Variants in LARP7 observed in about 807,000 individuals in gnomAD.
The protein encoded by LARP7 is la-related protein 7.
In LARP7, 52 loss-of-function variants were observed where a neutral mutation model predicts 69.3. The ratio of observed to expected loss-of-function variants is 0.75; its 90% CI spans 0.60 to 0.95. The LOEUF (loss-of-function observed/expected upper bound fraction) is 0.95, where lower values mean the gene tolerates loss of function less well. LARP7 is among the 40% of genes least tolerant of loss of function. The pLI is 0.00. For synonymous variants in LARP7, 254 were observed against 215.9 expected (o/e 1.18, Z -1.55); for missense variants, 733 against 673.0 (o/e 1.09, Z -0.99).
At position 112,647,539 on chromosome 4, in the gene LARP7, G is replaced by A. The variant is rs773792953; in HGVS notation, c.987G>A (p.Lys329=). 4 of 1,595,606 alleles carry A rather than the reference G, an allele frequency of 2.5e-6. No individual in the cohort carries two copies. Among genetic ancestry groups the A allele is most frequent in the East Asian group, 2.2e-5 (1 of 44,768 alleles). Residue 329 remains lysine (K), a synonymous_variant, in exon 7 of 13, where the codon AAG becomes AAA. Transcript: ENST00000344442. The part of the protein sequence containing the change: ...DIIKEASEAS[K]ENRDIEISTE... Reference sequence around the variant, plus strand: ...TTAAGGAAGCATCAGAAGCTTCCAAGGAAAATAGAGGTAAAACTACAAGGT... The same window carrying A: ...TTAAGGAAGCATCAGAAGCTTCCAAAGAAAATAGAGGTAAAACTACAAGGT...
At position 112,647,257 on chromosome 4, in the gene LARP7, AG is replaced by A; in HGVS notation, c.706del (p.Ala236ProfsTer16). ...GRMKKEDNIQ[A>X]KEENMDTSNT... ...GAATGAAAAAGGAAGACAATATCCA[AG>A]CCAAAGAAGAAAACATGGACACAAG... On this transcript the variant is annotated frameshift_variant, in exon 7 of 13. Coordinates refer to ENST00000344442, the MANE Select transcript of LARP7 (RefSeq NM_016648.4). LOFTEE classifies it high-confidence loss of function. 7 of 1,611,762 alleles carry A rather than the reference AG, an allele frequency of 4.3e-6. No individual in the cohort carries two copies. Among genetic ancestry groups the A allele is most frequent in the Non-Finnish European group, 5.9e-6 (7 of 1,179,478 alleles).
Position 112,649,691 on chromosome 4 carries a change from A to G in LARP7, c.1294+5A>G. Reference sequence around the variant, plus strand: ...CTGGAATGAAAAATGAAAAAAGTAAAGATCACTGATAGTTTTGACAACATT... The same window carrying G: ...CTGGAATGAAAAATGAAAAAAGTAAGGATCACTGATAGTTTTGACAACATT... On this transcript the variant is annotated splice_donor_5th_base_variant and intron_variant, in intron 9 of 12. Coordinates refer to ENST00000344442, the MANE Select transcript of LARP7 (RefSeq NM_016648.4). 2 of 1,580,684 alleles carry G rather than the reference A, an allele frequency of 1.3e-6. No homozygotes were observed. Among genetic ancestry groups the G allele is most frequent in the Non-Finnish European group, 1.7e-6 (2 of 1,162,906 alleles).
chr4:112,650,696 A>G (rs942391541), intron 10 of LARP7, 114 bp downstream of exon 10: 12 of 1,113,628 alleles, frequency 1.1e-5, no homozygotes, highest in African/African-American at 7.9e-5. Context: ...TTGTTTCCCT[A>G]TGGTAAACTA....
At chr4:112,638,113 T>C (rs62317769) in intron 1 of LARP7, 59,782 of 152,010 alleles carry the variant, frequency 0.39, 11,999 homozygotes, top group South Asian at 0.49. Context: ...CTGGCCAATA[T>C]GGCAAAATCT....
chr4:112,647,609 T>G, intron 7 of LARP7, 60 bp downstream of exon 7: 1 of 1,467,136 alleles, frequency 6.8e-7, no homozygotes, highest in Non-Finnish European at 9.1e-7. Flanking sequence ...TAGTTTTTAA[T>G]TAATTAGGTT....
Position 112,657,410 on chromosome 4 carries a change from C to A in LARP7, c.*83C>A. 1 of 540,418 alleles carries A rather than the reference C, an allele frequency of 1.9e-6. No individual in the cohort carries two copies. Among genetic ancestry groups the A allele is most frequent in the Non-Finnish European group, 3.1e-6 (1 of 325,194 alleles). The allele number at this position is 540,418 out of a possible 1,614,324, so 33.5% of individuals were successfully genotyped here. A position where few individuals can be genotyped will look rare whatever the true frequency, so the allele number is the denominator to read the frequency against. On this transcript the variant is annotated 3_prime_UTR_variant, in exon 13 of 13. Transcript: ENST00000344442. ...ATTCACTTTTATTATGGTAGCACTG[C>A]ATAATTAATGTGTTTTTAATTAAAA...
At position 112,647,428 on chromosome 4, in the gene LARP7, A is replaced by G; in HGVS notation, c.876A>G (p.Thr292=). Reference sequence around the variant, plus strand: ...CATCTAGCTTACCTGAAGTCAGAACAGGGAAGAGGAAGAGAAGCAGCTCTG... The same window carrying G: ...CATCTAGCTTACCTGAAGTCAGAACGGGGAAGAGGAAGAGAAGCAGCTCTG... The part of the protein sequence containing the change: ...VEASSLPEVR[T]GKRKRSSSED... Residue 292 remains threonine (T), a synonymous_variant, in exon 7 of 13, where the codon ACA becomes ACG. Coordinates refer to ENST00000344442, the MANE Select transcript of LARP7 (RefSeq NM_016648.4). 4 of 1,614,140 alleles carry G rather than the reference A, an allele frequency of 2.5e-6. No homozygotes were observed. Among genetic ancestry groups the G allele is most frequent in the South Asian group, 1.1e-5 (1 of 91,078 alleles).
chr4:112,656,330 G>C (rs1337104767), intron 12 of LARP7, among the ~76,000 whole-genome samples: 1 of 152,148 alleles, frequency 6.6e-6, no homozygotes, highest in Non-Finnish European at 1.5e-5. Context: ...CCTAGGAAGT[G>C]GAGGTTGCAG....
chr4:112,652,631 A>G (rs1047879871), intron 10 of LARP7, among the ~76,000 whole-genome samples: 5 of 151,864 alleles, frequency 3.3e-5, no homozygotes, highest in African/African-American at 1.2e-4. Context: ...TAAAAGTGGA[A>G]TGATTTGTAC....
chr4:112,651,017 T>C (rs976859526), intron 10 of LARP7, among the ~76,000 whole-genome samples: 1 of 152,228 alleles, frequency 6.6e-6, no homozygotes, highest in African/African-American at 2.4e-5. Context: ...AGGTTTATAA[T>C]TTTTTCGCTT....
rs574144446 is a variant in LARP7, at chr4:112,652,292, T to A, written c.1417-785T>A. On this transcript the variant is annotated intron_variant, in intron 10 of 12. Coordinates refer to ENST00000344442, the MANE Select transcript of LARP7 (RefSeq NM_016648.4). The stretch of plus-strand genomic sequence containing the variant: ...GAAAGGGAGGCAAGATAAATAAGAT[T>A]TCCCCCCCCCCCCCATTTAGCAATC... Among the ~76,000 whole-genome samples the A allele has an allele frequency of 6.0e-3, 738 of 122,784 alleles. 4 individuals are homozygous for A. The highest frequency in any genetic ancestry group is 9.4e-3 in the Non-Finnish European group (579 of 61,848). 80.6% of individuals were successfully genotyped at this position (122,784 alleles called of 152,430 possible).
intron 2 of LARP7, 29 bp downstream of exon 2, chr4:112,644,900 T>A: frequency 2.5e-6 from 3 of 1,202,142 alleles, no homozygotes; most frequent in African/African-American, 1.6e-5. Context: ...AGGAACCAAT[T>A]TTTAGATATG....
intron 1 of LARP7, among the ~76,000 whole-genome samples, chr4:112,641,692 T>C (rs1478996363): frequency 1.3e-5 from 2 of 152,366 alleles, no homozygotes; most frequent in African/African-American, 4.8e-5. Context: ...AGAATGATTT[T>C]AAGGCTTTTG....
At chr4:112,644,983 G>A (rs977422260) in intron 2 of LARP7, 112 bp downstream of exon 2, 1 of 261,640 alleles carries the variant, frequency 3.8e-6, no homozygotes, top group Non-Finnish European at 5.7e-6. Context: ...GTCTTGCTCT[G>A]TTGCCCAGGC....
chr4:112,645,752 G>A (rs1011834228), intron 2 of LARP7: 1 of 369,700 alleles, frequency 2.7e-6, no homozygotes, highest in Non-Finnish European at 5.3e-6. Flanking sequence ...GAGCTCCTGA[G>A]CTCAAGAGAT....
chr4:112,640,837 T>A (rs969535318), intron 1 of LARP7, among the ~76,000 whole-genome samples: 3 of 152,060 alleles, frequency 2.0e-5, no homozygotes, highest in Non-Finnish European at 1.5e-5. Context: ...AAGAGGTAAG[T>A]CTCTCTAAGA....
chr4:112,638,715 C>G (rs2047822314), intron 1 of LARP7, among the ~76,000 whole-genome samples: 1 of 152,192 alleles, frequency 6.6e-6, no homozygotes, highest in African/African-American at 2.4e-5. Context: ...GTGAATACAT[C>G]ATAGAATAAC....
chr4:112,647,016 CT>C lies in LARP7; in HGVS notation c.553-14del, dbSNP rs2149264731. On this transcript the variant is annotated splice_polypyrimidine_tract_variant and intron_variant, in intron 5 of 12. Coordinates refer to ENST00000344442, the MANE Select transcript of LARP7 (RefSeq NM_016648.4). ...AAGAAAACAAGTATTAAAATAGTAA[CT>C]TTTGCAATCATTTCAGTTTCTTAAC... is the stretch of plus-strand genomic sequence containing the variant. The C allele has an allele frequency of 6.3e-7, 1 of 1,589,800 alleles. No individual in the cohort carries two copies. Among genetic ancestry groups the C allele is most frequent in the Non-Finnish European group, 8.5e-7 (1 of 1,172,694 alleles).
chr4:112,646,264 C>A, intron 2 of LARP7, 87 bp from the exon 3 acceptor site: 1 of 651,268 alleles, frequency 1.5e-6, no homozygotes, highest in Admixed American at 2.8e-5. Flanking sequence ...GCCACCGAGC[C>A]TGAGGGCCTG....
Sources: gnomAD v4.1 joint callset for allele counts (sites outside exome capture counted in the v4.1 genomes callset) on GRCh38, gnomAD v4.1.1 for gene constraint, MANE v1.5 for transcripts, NCBI Gene and HGNC (gene_info 2026-07-23, HGNC 2026-07-21) for gene names.